The following FNDC3B variants were observed in gnomAD, a reference collection of about 807,000 sequenced individuals.
FNDC3B encodes the protein fibronectin type III domain-containing protein 3B.
FNDC3B carries 12 observed loss-of-function variants against 151.5 expected under a neutral mutation model. The ratio of observed to expected loss-of-function variants is 0.08; its 90% CI spans 0.05 to 0.13. The LOEUF (loss-of-function observed/expected upper bound fraction) is 0.13, where lower values mean the gene tolerates loss of function less well. Among genes scored for constraint, FNDC3B ranks in the 10% least tolerant of loss-of-function variants. The pLI is 1.00. For missense variants in FNDC3B, 1,214 were observed against 1,505.3 expected (o/e 0.81, Z 3.20); for synonymous variants, 528 against 549.0 (o/e 0.96, Z 0.54).
chr3:172,045,789 T>TCA (rs1184102715), intron 1 of FNDC3B, among the ~76,000 whole-genome samples: 2 of 150,194 alleles, frequency 1.3e-5, no homozygotes, highest in Non-Finnish European at 3.0e-5. Flanking sequence ...TCTCTCTCTC[T>TCA]CTCTCTATAT....
At chr3:172,117,357 T>A (rs1460627183) in intron 2 of FNDC3B, among the ~76,000 whole-genome samples, 1 of 152,212 alleles carries the variant, frequency 6.6e-6, no homozygotes, top group East Asian at 1.9e-4. Context: ...GATGCCTTTG[T>A]TGACATTTTC....
chr3:172,078,142 T>G (rs557949336), intron 1 of FNDC3B, among the ~76,000 whole-genome samples: 1 of 152,174 alleles, frequency 6.6e-6, no homozygotes, highest in African/African-American at 2.4e-5. Flanking sequence ...CACCATGGCC[T>G]GCTAATTTTT....
intron 1 of FNDC3B, among the ~76,000 whole-genome samples, chr3:172,085,472 T>C (rs1718504807): frequency 6.6e-6 from 1 of 152,244 alleles, no homozygotes; most frequent in Non-Finnish European, 1.5e-5. Flanking sequence ...CTCTGTTAAC[T>C]CTTGATACCG....
chr3:172,222,660 G>T (rs572403815), intron 3 of FNDC3B, among the ~76,000 whole-genome samples: 49 of 152,236 alleles, frequency 3.2e-4, no homozygotes, highest in Admixed American at 9.8e-4. Flanking sequence ...TCACGATAGG[G>T]TTCGCTGCTG....
chr3:172,336,908 G>GAAA (rs796333616), intron 15 of FNDC3B, among the ~76,000 whole-genome samples: 2 of 120,080 alleles, frequency 1.7e-5, no homozygotes, highest in African/African-American at 3.0e-5. Context: ...ATCTCAGACG[G>GAAA]AAAAAAAAAA....
intron 4 of FNDC3B, among the ~76,000 whole-genome samples, chr3:172,242,886 G>A (rs372094608): frequency 2.0e-5 from 3 of 152,000 alleles, no homozygotes; most frequent in East Asian, 1.9e-4. Context: ...TTTATGCTCC[G>A]CTTCCCTTAT....
At chr3:172,235,974 T>C (rs1190006716) in intron 4 of FNDC3B, among the ~76,000 whole-genome samples, 1 of 152,208 alleles carries the variant, frequency 6.6e-6, no homozygotes, top group Non-Finnish European at 1.5e-5. Context: ...GTACTGCAGA[T>C]GCCCACTGCT....
At chr3:172,214,596 T>G (rs1345737259) in intron 3 of FNDC3B, among the ~76,000 whole-genome samples, 1 of 152,170 alleles carries the variant, frequency 6.6e-6, no homozygotes, top group Non-Finnish European at 1.5e-5. Flanking sequence ...CCTTCTAGAT[T>G]GGCAAGAAAG....
chr3:172,204,364 T>C (rs1725318351), intron 3 of FNDC3B, among the ~76,000 whole-genome samples: 1 of 152,172 alleles, frequency 6.6e-6, no homozygotes. Context: ...TGGCCAAGTT[T>C]TCATAAATAA....
chr3:172,180,602 G>A (rs1328725845), intron 3 of FNDC3B, among the ~76,000 whole-genome samples: 5 of 152,208 alleles, frequency 3.3e-5, no homozygotes, highest in Non-Finnish European at 4.4e-5. Flanking sequence ...TAAGGAGGCA[G>A]AGCAGACAGA....
chr3:172,210,024 G>A (rs1725650828), intron 3 of FNDC3B, among the ~76,000 whole-genome samples: 1 of 152,224 alleles, frequency 6.6e-6, no homozygotes, highest in Non-Finnish European at 1.5e-5. Flanking sequence ...GACAGGGAGA[G>A]GCCAGCCAGG....
chr3:172,268,114 TAGA>T (rs1729015807), intron 6 of FNDC3B, among the ~76,000 whole-genome samples: 1 of 152,228 alleles, frequency 6.6e-6, no homozygotes, highest in Non-Finnish European at 1.5e-5. Flanking sequence ...TGAAAAGACA[TAGA>T]AGATTTTAAC....
chr3:172,067,892 A>G (rs1163997203), intron 1 of FNDC3B, among the ~76,000 whole-genome samples: 1 of 152,176 alleles, frequency 6.6e-6, no homozygotes, highest in East Asian at 1.9e-4. Context: ...TCCTCTGGGA[A>G]TTAATGGTAG....
chr3:172,342,254 C>T (rs1320146174), intron 17 of FNDC3B, among the ~76,000 whole-genome samples: 1 of 152,204 alleles, frequency 6.6e-6, no homozygotes, highest in African/African-American at 2.4e-5. Context: ...TTATACAGTG[C>T]CGAAGCTGTC....
At chr3:172,161,472 C>A (rs1368742290) in intron 3 of FNDC3B, among the ~76,000 whole-genome samples, 3 of 152,298 alleles carry the variant, frequency 2.0e-5, no homozygotes, top group Admixed American at 2.0e-4. Flanking sequence ...TCTGGCCCAG[C>A]CTCTGATGAA....
At chr3:172,153,035 C>T (rs931912700) in intron 3 of FNDC3B, among the ~76,000 whole-genome samples, 1 of 152,118 alleles carries the variant, frequency 6.6e-6, no homozygotes, top group Non-Finnish European at 1.5e-5. Context: ...TCTGTGTCGG[C>T]CCCTGGGTCA....
intron 3 of FNDC3B, among the ~76,000 whole-genome samples, chr3:172,170,158 G>A (rs887853295): frequency 5.3e-5 from 8 of 152,178 alleles, no homozygotes; most frequent in Non-Finnish European, 1.2e-4. Context: ...AAATATAAAT[G>A]TAAGCCCAGA....
intron 3 of FNDC3B, among the ~76,000 whole-genome samples, chr3:172,168,649 C>T (rs182432581): frequency 3.2e-4 from 49 of 151,496 alleles, no homozygotes; most frequent in Non-Finnish European, 5.6e-4. Context: ...TGCTATATAT[C>T]TATGCTTTTA....
At chr3:172,328,894 G>A (rs771073806) in intron 11 of FNDC3B, 58 bp from the exon 12 acceptor site, 103 of 1,331,938 alleles carry the variant, frequency 7.7e-5, no homozygotes, top group African/African-American at 3.1e-5. Flanking sequence ...ATTTATTTAG[G>A]GTTATCTGTT....
Sources: gnomAD v4.1 joint callset for allele counts (sites outside exome capture counted in the v4.1 genomes callset) on GRCh38, gnomAD v4.1.1 for gene constraint, MANE v1.5 for transcripts, NCBI Gene and HGNC (gene_info 2026-07-23, HGNC 2026-07-21) for gene names.